The following MANBAL variants were observed in gnomAD, a reference collection of about 807,000 sequenced individuals.
MANBAL encodes protein MANBAL.
Under a neutral mutation model 6.4 loss-of-function variants are expected in MANBAL, and 1 was observed. That is an observed-to-expected ratio of 0.16 (90% confidence interval 0.06 to 0.74). The LOEUF is 0.74. MANBAL is among the 30% of genes least tolerant of loss of function. The probability of loss-of-function intolerance (pLI) is 0.78; values close to 1 mark genes in which losing one functional copy is unlikely to be tolerated. For missense variants in MANBAL, 100 were observed against 107.8 expected (o/e 0.93, Z 0.32); for synonymous variants, 47 against 45.8 (o/e 1.03, Z -0.10).
chr20:37,294,233 T>G (rs1388373709), intron 1 of MANBAL, among the ~76,000 whole-genome samples: 1 of 152,268 alleles, frequency 6.6e-6, no homozygotes, highest in African/African-American at 2.4e-5. Context: ...GGATTATTTT[T>G]AACTTCTTTC....
intron 1 of MANBAL, among the ~76,000 whole-genome samples, chr20:37,290,347 A>C (rs1810567393): frequency 6.6e-6 from 1 of 152,138 alleles, no homozygotes; most frequent in Non-Finnish European, 1.5e-5. Context: ...TTTGCATTCT[A>C]ATCTAGTTTT....
intron 1 of MANBAL, among the ~76,000 whole-genome samples, chr20:37,290,441 C>T (rs1421652933): frequency 1.4e-5 from 2 of 144,782 alleles, no homozygotes; most frequent in Admixed American, 6.9e-5. Flanking sequence ...TTTTTCTTTC[C>T]TTTTTTTTTT....
chr20:37,305,514 A>T (rs907939177), intron 2 of MANBAL, among the ~76,000 whole-genome samples: 1 of 152,176 alleles, frequency 6.6e-6, no homozygotes, highest in Non-Finnish European at 1.5e-5. Context: ...ATATGCCATC[A>T]TACCCCCCTA....
chr20:37,293,019 A>G (rs903772816), intron 1 of MANBAL, among the ~76,000 whole-genome samples: 1 of 152,174 alleles, frequency 6.6e-6, no homozygotes, highest in Non-Finnish European at 1.5e-5. Context: ...ACCTGTATCT[A>G]CGTTCAGCTA....
chr20:37,315,660 G>A (rs929195664), intron 2 of MANBAL, among the ~76,000 whole-genome samples: 1 of 152,202 alleles, frequency 6.6e-6, no homozygotes, highest in African/African-American at 2.4e-5. Flanking sequence ...ATTCTGCCCC[G>A]AGGCTGCCTC....
chr20:37,306,119 A>AAGT lies in MANBAL; in HGVS notation c.150+4706_150+4707insAGT, dbSNP rs1451279403. Among the ~76,000 whole-genome samples, 13 of 151,214 alleles carry AAGT rather than the reference A, an allele frequency of 8.6e-5. No homozygotes were observed. In the East Asian group the frequency reaches 2.5e-3, roughly 29 times the overall value. ...GAAGTGGAGGGTGGCAGGAGGTAGG[A>AAGT]GAGGGGGCAGAAGTGAGGGTGGGAG... On this transcript the variant is annotated intron_variant, in intron 2 of 2. Coordinates refer to ENST00000373606, the MANE Select transcript of MANBAL (RefSeq NM_001003897.2).
At chr20:37,306,472 C>T (rs1015083521) in intron 2 of MANBAL, among the ~76,000 whole-genome samples, 1 of 152,078 alleles carries the variant, frequency 6.6e-6, no homozygotes, top group African/African-American at 2.4e-5. Context: ...GAGCAAGAGT[C>T]AATTTGTAAA....
At chr20:37,304,067 T>C (rs1327880599) in intron 2 of MANBAL, among the ~76,000 whole-genome samples, 21 of 152,228 alleles carry the variant, frequency 1.4e-4, no homozygotes, top group Admixed American at 1.4e-3. Flanking sequence ...AATATACCAG[T>C]TACACTTTTA....
At position 37,290,529 on chromosome 20, in the gene MANBAL, G is replaced by T. The variant is rs186826969; in HGVS notation, c.-57+843G>T. 1.6e-3 allele frequency among the ~76,000 whole-genome samples: 243 copies of T among 152,070 alleles called. 1 individual carries two copies. Among genetic ancestry groups the T allele is most frequent in the African/African-American group, 5.5e-3 (228 of 41,452 alleles). On this transcript the variant is annotated intron_variant, in intron 1 of 2. Coordinates refer to ENST00000373606, the MANE Select transcript of MANBAL (RefSeq NM_001003897.2). The stretch of plus-strand genomic sequence containing the variant: ...GCTGAAGGGCAGTGGCGGGATCTTG[G>T]CTCACTGCAACCTCCGCTTCTTGGG...
At chr20:37,310,362 A>G (rs11906047) in intron 2 of MANBAL, among the ~76,000 whole-genome samples, 4,374 of 152,322 alleles carry the variant, frequency 0.029, 91 homozygotes, top group Middle Eastern at 0.058. Context: ...TTCAGCGTTA[A>G]GCAGACTGGT....
chr20:37,313,992 G>C (rs1298492290), intron 2 of MANBAL, among the ~76,000 whole-genome samples: 1 of 152,210 alleles, frequency 6.6e-6, no homozygotes, highest in Admixed American at 6.5e-5. Context: ...TGCCATTCCA[G>C]AGACAGCCAC....
chr20:37,291,238 C>A (rs1417983490), intron 1 of MANBAL, among the ~76,000 whole-genome samples: 1 of 152,174 alleles, frequency 6.6e-6, no homozygotes, highest in African/African-American at 2.4e-5. Context: ...AAAGATACTT[C>A]AGTGAGTGCC....
intron 2 of MANBAL, among the ~76,000 whole-genome samples, chr20:37,306,135 AGGGT>A (rs1448700215): frequency 6.6e-6 from 1 of 152,104 alleles, no homozygotes; most frequent in East Asian, 1.9e-4. Flanking sequence ...GGCAGAAGTG[AGGGT>A]GGGAGGACCC....
At chr20:37,310,976 C>T (rs901813358) in intron 2 of MANBAL, among the ~76,000 whole-genome samples, 1 of 152,174 alleles carries the variant, frequency 6.6e-6, no homozygotes, top group Non-Finnish European at 1.5e-5. Flanking sequence ...GAACTTGGAG[C>T]TACAGGCCCT....
Position 37,316,454 on chromosome 20 carries a change from T to C in MANBAL, c.*39T>C, listed in dbSNP as rs1211683768. On this transcript the variant is annotated 3_prime_UTR_variant, in exon 3 of 3. Coordinates refer to ENST00000373606, the MANE Select transcript of MANBAL (RefSeq NM_001003897.2). ...AGGAGCTGGGCGGGCAGGGAGAGGG[T>C]CTTGGGGACAGCCCTCCTGGGAATC... 1 of 1,566,880 alleles carries C rather than the reference T, an allele frequency of 6.4e-7. No individual in the cohort carries two copies. Among genetic ancestry groups the C allele is most frequent in the Middle Eastern group, 1.7e-4 (1 of 5,924 alleles).
At chr20:37,298,297 G>T (rs1007687883) in intron 1 of MANBAL, among the ~76,000 whole-genome samples, 25 of 152,170 alleles carry the variant, frequency 1.6e-4, no homozygotes, top group African/African-American at 5.8e-4. Flanking sequence ...CAATTCAGTG[G>T]TATTTGCAGT....
intron 2 of MANBAL, among the ~76,000 whole-genome samples, chr20:37,309,650 A>G (rs929225719): frequency 5.5e-4 from 83 of 152,144 alleles, no homozygotes; most frequent in African/African-American, 2.0e-3. Flanking sequence ...GCTCATCAGT[A>G]TGGTGAGCCA....
chr20:37,312,843 A>G (rs543060665), intron 2 of MANBAL, among the ~76,000 whole-genome samples: 15 of 152,300 alleles, frequency 9.8e-5, no homozygotes, highest in Admixed American at 4.6e-4. Flanking sequence ...CTTAAGGCAT[A>G]ATTTAGGCCA....
intron 1 of MANBAL, among the ~76,000 whole-genome samples, chr20:37,290,201 C>G (rs569285961): frequency 6.6e-6 from 1 of 152,278 alleles, no homozygotes; most frequent in East Asian, 1.9e-4. Context: ...CTAAGAGAAG[C>G]GAGAAATGAA....
Sources: allele counts gnomAD v4.1 joint callset (sites outside exome capture counted in the v4.1 genomes callset), GRCh38; gene constraint gnomAD v4.1.1; transcripts MANE v1.5; gene names NCBI Gene and HGNC (gene_info 2026-07-23, HGNC 2026-07-21).